CDH19: variants seen among roughly 807,000 people sequenced by gnomAD.
CDH19 encodes the protein cadherin-19.
Under a neutral mutation model 64.2 loss-of-function variants are expected in CDH19, and 67 were observed. The ratio of observed to expected loss-of-function variants is 1.04; its 90% CI spans 0.86 to 1.28. CDH19 has a LOEUF of 1.28. Among genes scored for constraint, CDH19 ranks in the 50% most tolerant of loss-of-function variants. The pLI is 0.00. For missense variants in CDH19, 1,030 were observed against 929.0 expected, an observed-to-expected ratio of 1.11 and a Z score of -1.41; for synonymous variants, 346 against 319.3, an observed-to-expected ratio of 1.08 and a Z score of -0.89.
intron 10 of CDH19, among the ~76,000 whole-genome samples, chr18:66,509,807 T>C (rs1985384255): frequency 1.3e-5 from 2 of 151,950 alleles, no homozygotes; most frequent in East Asian, 1.9e-4. Flanking sequence ...TGATCTCAAA[T>C]ACTATATTTT....
chr18:66,577,457 C>G (rs531923997), intron 1 of CDH19, among the ~76,000 whole-genome samples: 2 of 151,936 alleles, frequency 1.3e-5, no homozygotes, highest in East Asian at 3.9e-4. Flanking sequence ...TGAAAAAGTT[C>G]AAAAGGTGAA....
At chr18:66,545,819 G>T (rs188349461) in intron 5 of CDH19, among the ~76,000 whole-genome samples, 1 of 152,092 alleles carries the variant, frequency 6.6e-6, no homozygotes, top group South Asian at 2.1e-4. Flanking sequence ...AATATAGATC[G>T]AAAGGAGTTG....
chr18:66,513,874 C>T lies in CDH19; in HGVS notation c.1459-2189G>A, dbSNP rs118010784. Among the ~76,000 whole-genome samples the T allele has an allele frequency of 1.9e-4, 29 of 151,420 alleles. 1 individual carries two copies. In the East Asian group the frequency reaches 5.6e-3, roughly 29 times the overall value. The stretch of plus-strand genomic sequence containing the variant: ...AGATTTTTAGTATTCTTTTTGCTCT[C>T]TACGTAGAATGTTGGCCAATTTATT... On this transcript the variant is annotated intron_variant, in intron 9 of 11. Transcript: ENST00000262150.
intron 3 of CDH19, among the ~76,000 whole-genome samples, chr18:66,558,162 CATAT>C (rs34063647): frequency 6.2e-5 from 9 of 145,658 alleles, no homozygotes; most frequent in African/African-American, 1.8e-4. Context: ...ATCTTTATCT[CATAT>C]ATATATATAT....
chr18:66,559,789 G>A (rs1023182146), intron 3 of CDH19, among the ~76,000 whole-genome samples: 3 of 151,220 alleles, frequency 2.0e-5, no homozygotes, highest in South Asian at 2.1e-4. Context: ...AACAAAAACT[G>A]TAACCTCTGC....
intron 1 of CDH19, among the ~76,000 whole-genome samples, chr18:66,600,097 T>C (rs1292972902): frequency 2.0e-5 from 3 of 151,922 alleles, no homozygotes; most frequent in Non-Finnish European, 2.9e-5. Context: ...AAACATACTT[T>C]CTTTTAGTAC....
intron 5 of CDH19, among the ~76,000 whole-genome samples, 157 bp from the exon 6 acceptor site, chr18:66,545,060 T>A (rs184049843): frequency 6.6e-6 from 1 of 151,996 alleles, no homozygotes; most frequent in Non-Finnish European, 1.5e-5. Context: ...TTCACTGCAA[T>A]CTCTGCCTCC....
chr18:66,551,601 C>T (rs1309432347), intron 4 of CDH19, among the ~76,000 whole-genome samples: 1 of 151,752 alleles, frequency 6.6e-6, no homozygotes, highest in Non-Finnish European at 1.5e-5. Context: ...ACTTTGTCCC[C>T]GAAACTCTGA....
chr18:66,555,294 G>T (rs976855566), intron 3 of CDH19, among the ~76,000 whole-genome samples: 5 of 151,700 alleles, frequency 3.3e-5, no homozygotes, highest in African/African-American at 1.2e-4. Flanking sequence ...TTGAAACACT[G>T]TTTACTGTGT....
At chr18:66,591,908 C>G (rs974837929) in intron 1 of CDH19, among the ~76,000 whole-genome samples, 1 of 151,824 alleles carries the variant, frequency 6.6e-6, no homozygotes, top group Non-Finnish European at 1.5e-5. Context: ...ATATTTATCT[C>G]TTTTCTAATC....
Position 66,509,192 on chromosome 18 carries a change from G to A in CDH19, c.1631C>T (p.Pro544Leu), listed in dbSNP as rs1284395348. ...NRTGFNLQEE[P>L]VFYISILIAD... The stretch of plus-strand genomic sequence containing the variant: ...AATTAAGATGGAGATGTAGAAGACA[G>A]GTTCTTCTTGAAGGTTAAAACCAGT... The change falls in exon 11 of 12, where the codon CCT (proline) becomes CTT (leucine). Residue 544 changes from proline to leucine, a missense_variant. Coordinates refer to ENST00000262150, the MANE Select transcript of CDH19 (RefSeq NM_021153.4). 14 of 1,611,830 alleles carry A rather than the reference G, an allele frequency of 8.7e-6. No homozygotes were observed. The highest frequency in any genetic ancestry group is 1.3e-5 in the African/African-American group (1 of 74,784).
chr18:66,544,733 C>G lies in CDH19; in HGVS notation c.946G>C (p.Val316Leu), dbSNP rs1307297990. ...AACATGTCTACCTTTTTTAATATAA[C>G]TATTCCTTCTTGAGTTTCATGATTA... Reference protein sequence around the residue: ...ITNHETQEGIVILKKKVDFEH... With the variant: ...ITNHETQEGILILKKKVDFEH... Residue 316 changes from valine (V) to leucine (L), a missense_variant, in exon 6 of 12, where the codon GTT (valine) becomes CTT (leucine). Coordinates refer to ENST00000262150, the MANE Select transcript of CDH19 (RefSeq NM_021153.4). 1 of 1,603,138 alleles carries G rather than the reference C, an allele frequency of 6.2e-7. No individual in the cohort carries two copies. The highest frequency in any genetic ancestry group is 1.7e-5 in the Admixed American group (1 of 59,272).
chr18:66,535,470 G>A (rs907322767), intron 7 of CDH19, among the ~76,000 whole-genome samples: 7 of 150,940 alleles, frequency 4.6e-5, no homozygotes, highest in Admixed American at 2.7e-4. Context: ...CAACTACTTG[G>A]CTTGATATTT....
chr18:66,511,904 A>C (rs1342508695), intron 9 of CDH19, among the ~76,000 whole-genome samples: 2 of 151,636 alleles, frequency 1.3e-5, no homozygotes, highest in East Asian at 3.9e-4. Context: ...ATTACATAAT[A>C]AACAAACTCT....
In CDH19 at chr18:66,529,896, C is replaced by T. The variant is rs1443213989; in HGVS notation, c.1407G>A (p.Glu469=). Residue 469 remains glutamate (E), a synonymous_variant, in exon 9 of 12, where the codon GAG becomes GAA. Coordinates refer to ENST00000262150, the MANE Select transcript of CDH19 (RefSeq NM_021153.4). ...CATAAGTCTCATAGTATTGAGAGAA[C>T]TCAGGAGCATGATCATTGATGTTAA... is the stretch of plus-strand genomic sequence containing the variant. ...QVLNINDHAP[E]FSQYYETYVC... is the part of the protein sequence containing the mutation. 1.9e-6 allele frequency: 3 copies of T among 1,591,790 alleles called. No homozygotes were observed. Among genetic ancestry groups the T allele is most frequent in the South Asian group, 1.1e-5 (1 of 89,364 alleles).
At chr18:66,527,203 A>C (rs1227350337) in intron 9 of CDH19, among the ~76,000 whole-genome samples, 1 of 151,930 alleles carries the variant, frequency 6.6e-6, no homozygotes, top group Non-Finnish European at 1.5e-5. Flanking sequence ...ACTAACAAAT[A>C]CTACTTAGTA....
At chr18:66,556,428 C>T (rs1347263266) in intron 3 of CDH19, among the ~76,000 whole-genome samples, 4 of 151,578 alleles carry the variant, frequency 2.6e-5, no homozygotes, top group African/African-American at 9.7e-5. Flanking sequence ...CCTCCATTTC[C>T]TCCCTCTTCA....
chr18:66,581,328 A>C (rs929700840), intron 1 of CDH19, among the ~76,000 whole-genome samples: 1 of 152,142 alleles, frequency 6.6e-6, no homozygotes, highest in African/African-American at 2.4e-5. Context: ...TATTATGGCC[A>C]AGTAAAATTG....
intron 1 of CDH19, among the ~76,000 whole-genome samples, chr18:66,596,595 G>A (rs1001334576): frequency 1.4e-4 from 21 of 151,998 alleles, no homozygotes; most frequent in African/African-American, 5.1e-4. Context: ...AGCTAGTCAG[G>A]GAGGTGTAAT....
Sources: gnomAD v4.1 joint callset for allele counts (sites outside exome capture counted in the v4.1 genomes callset) on GRCh38, gnomAD v4.1.1 for gene constraint, MANE v1.5 for transcripts, NCBI Gene and HGNC (gene_info 2026-07-23, HGNC 2026-07-21) for gene names.